PTPRD: variants seen among roughly 807,000 people sequenced by gnomAD.
PTPRD encodes the protein receptor-type tyrosine-protein phosphatase delta.
A neutral mutation model predicts 214.5 loss-of-function variants in PTPRD; 34 were observed. That is an observed-to-expected ratio of 0.16 (90% confidence interval 0.12 to 0.21). PTPRD has a LOEUF of 0.21. Ranked by LOEUF, PTPRD falls within the 10% of genes least tolerant of loss-of-function variation. PTPRD has a pLI of 1.00. For missense variants in PTPRD, 2,545 were observed against 2,398.7 expected, an observed-to-expected ratio of 1.06 and a Z score of -1.27; for synonymous variants, 1,128 against 845.7, an observed-to-expected ratio of 1.33 and a Z score of -5.79.
Position 10,556,514 on chromosome 9 carries a change from C to A in PTPRD, c.-600+55884G>T, listed in dbSNP as rs375930215. 3.8e-3 allele frequency among the ~76,000 whole-genome samples: 581 copies of A among 152,090 alleles called. 2 individuals carry two copies. The highest frequency in any genetic ancestry group is 0.013 in the African/African-American group (560 of 41,514). Reference sequence around the variant, plus strand: ...AAAACGTAGAAAATACTGAGAGTCACGTGGTGATACAACGTAATTAAAGAA... The same window carrying A: ...AAAACGTAGAAAATACTGAGAGTCAAGTGGTGATACAACGTAATTAAAGAA... On this transcript the variant is annotated intron_variant, in intron 2 of 45. Transcript: ENST00000381196.
intron 2 of PTPRD, among the ~76,000 whole-genome samples, chr9:10,567,221 G>A (rs985128851): frequency 3.9e-5 from 6 of 151,954 alleles, no homozygotes; most frequent in Non-Finnish European, 8.8e-5. Context: ...TAGAATAAAT[G>A]ATATGACAAT....
intron 10 of PTPRD, among the ~76,000 whole-genome samples, chr9:9,096,490 T>C (rs1018824917): frequency 6.6e-6 from 1 of 152,202 alleles, no homozygotes; most frequent in African/African-American, 2.4e-5. Context: ...ATTTTTGTGT[T>C]CCATGACTCT....
At chr9:8,708,267 A>T (rs1364980133) in intron 12 of PTPRD, among the ~76,000 whole-genome samples, 1 of 152,186 alleles carries the variant, frequency 6.6e-6, no homozygotes, top group Non-Finnish European at 1.5e-5. Flanking sequence ...AAATAACAAA[A>T]GGTAGGTGTT....
chr9:10,301,258 C>T (rs373494777), intron 3 of PTPRD, among the ~76,000 whole-genome samples: 1 of 152,004 alleles, frequency 6.6e-6, no homozygotes, highest in South Asian at 2.1e-4. Context: ...AGACCCCATC[C>T]GAAGGTCACC....
At chr9:8,996,745 G>A (rs1057255627) in intron 11 of PTPRD, among the ~76,000 whole-genome samples, 1 of 151,952 alleles carries the variant, frequency 6.6e-6, no homozygotes, top group African/African-American at 2.4e-5. Context: ...AATTCCTTTA[G>A]CCAAACAGGC....
intron 11 of PTPRD, among the ~76,000 whole-genome samples, chr9:8,901,226 G>T (rs117016017): frequency 8.5e-5 from 13 of 152,242 alleles, no homozygotes; most frequent in Non-Finnish European, 1.5e-4. Context: ...TCTAACATTT[G>T]CATCTTCTGT....
chr9:8,730,384 T>C (rs972517430), intron 12 of PTPRD, among the ~76,000 whole-genome samples: 2 of 152,078 alleles, frequency 1.3e-5, no homozygotes, highest in African/African-American at 4.8e-5. Flanking sequence ...AAGCAACAAG[T>C]AAATGGATGA....
At chr9:8,331,514 A>AAAAGTGT in intron 44 of PTPRD, 68 bp downstream of exon 44, 6 of 1,554,256 alleles carry the variant, frequency 3.9e-6, no homozygotes, top group Non-Finnish European at 4.4e-6. Flanking sequence ...ACTTACTACA[A>AAAAGTGT]AAAGTGTATA....
chr9:10,588,335 A>G (rs941388326), intron 2 of PTPRD, among the ~76,000 whole-genome samples: 2 of 151,712 alleles, frequency 1.3e-5, no homozygotes, highest in Admixed American at 1.3e-4. Context: ...TGCAAGTACA[A>G]ATTTTCCACT....
chr9:9,794,155 A>C (rs1026455780), intron 5 of PTPRD, among the ~76,000 whole-genome samples: 1 of 86,032 alleles, frequency 1.2e-5, no homozygotes, highest in Non-Finnish European at 3.0e-5. Context: ...GTATATATGT[A>C]CATGTATATA....
intron 3 of PTPRD, among the ~76,000 whole-genome samples, chr9:10,210,520 G>T (rs553179072): frequency 6.6e-6 from 1 of 151,736 alleles, no homozygotes; most frequent in South Asian, 2.1e-4. Flanking sequence ...TGCCAAGGAG[G>T]GGGGGCTTCT....
intron 9 of PTPRD, among the ~76,000 whole-genome samples, chr9:9,216,904 T>C (rs903345937): frequency 1.3e-5 from 2 of 152,320 alleles, no homozygotes; most frequent in South Asian, 2.1e-4. Flanking sequence ...CCAACATTTA[T>C]TGTTTTTTCT....
At chr9:9,521,505 C>T (rs1324704932) in intron 8 of PTPRD, among the ~76,000 whole-genome samples, 1 of 152,168 alleles carries the variant, frequency 6.6e-6, no homozygotes, top group African/African-American at 2.4e-5. Flanking sequence ...AGAAACCTTA[C>T]TGTTCTTTCC....
intron 12 of PTPRD, among the ~76,000 whole-genome samples, chr9:8,711,023 A>T (rs1023384623): frequency 1.3e-5 from 2 of 152,046 alleles, no homozygotes; most frequent in African/African-American, 4.8e-5. Context: ...CTAGATGTGA[A>T]AGTATCTTAC....
chr9:9,646,562 T>A (rs999835343), intron 7 of PTPRD, among the ~76,000 whole-genome samples: 4 of 152,168 alleles, frequency 2.6e-5, no homozygotes, highest in Non-Finnish European at 2.9e-5. Flanking sequence ...TGAGAATCAA[T>A]GTGTTTTTCA....
intron 11 of PTPRD, among the ~76,000 whole-genome samples, chr9:8,934,412 T>G (rs1448581727): frequency 2.2e-5 from 1 of 45,774 alleles, no homozygotes; most frequent in Non-Finnish European, 4.2e-5. Context: ...TGTGTGTGTG[T>G]GTGTGTGTGT....
chr9:9,920,234 C>G (rs1013039309), intron 5 of PTPRD, among the ~76,000 whole-genome samples: 1 of 152,092 alleles, frequency 6.6e-6, no homozygotes, highest in Non-Finnish European at 1.5e-5. Context: ...TTGTTTACCT[C>G]AGCTTTTTGT....
intron 6 of PTPRD, among the ~76,000 whole-genome samples, chr9:9,743,731 TACACACACAC>T (rs4008087): frequency 6.2e-5 from 5 of 80,428 alleles, no homozygotes; most frequent in African/African-American, 2.0e-4. Flanking sequence ...ACTCAGTCTA[TACACACACAC>T]ACACACACAC....
chr9:8,873,448 C>T (rs532288651), intron 11 of PTPRD, among the ~76,000 whole-genome samples: 6 of 152,238 alleles, frequency 3.9e-5, no homozygotes, highest in South Asian at 2.1e-4. Context: ...ATTGATTTCC[C>T]GTATACCCCT....
Sources: gnomAD v4.1 joint callset for allele counts (sites outside exome capture counted in the v4.1 genomes callset) on GRCh38, gnomAD v4.1.1 for gene constraint, MANE v1.5 for transcripts, NCBI Gene and HGNC (gene_info 2026-07-23, HGNC 2026-07-21) for gene names.